LPP: variants seen among roughly 807,000 people sequenced by gnomAD.
LPP encodes LIM domain containing preferred translocation partner in lipoma.
In LPP, 38 loss-of-function variants were observed where a neutral mutation model predicts 60.4. The ratio of observed to expected loss-of-function variants is 0.63; its 90% CI spans 0.49 to 0.83. The LOEUF (loss-of-function observed/expected upper bound fraction) is 0.83, where lower values mean the gene tolerates loss of function less well. Among genes scored for constraint, LPP ranks in the 40% least tolerant of loss-of-function variants. The pLI, the probability that LPP is intolerant of heterozygous loss-of-function variation, is 0.00. For synonymous variants in LPP, 328 were observed against 290.8 expected, an observed-to-expected ratio of 1.13 and a Z score of -1.30; for missense variants, 902 against 783.6, an observed-to-expected ratio of 1.15 and a Z score of -1.80.
chr3:188,253,444 CT>C (rs1730628748), intron 2 of LPP, among the ~76,000 whole-genome samples: 1 of 152,086 alleles, frequency 6.6e-6, no homozygotes, highest in African/African-American at 2.4e-5. Flanking sequence ...TCTAATTTTA[CT>C]TTTTTCCAAA....
At chr3:188,743,012 A>T (rs561256525) in intron 8 of LPP, among the ~76,000 whole-genome samples, 2 of 152,230 alleles carry the variant, frequency 1.3e-5, no homozygotes, top group Admixed American at 6.5e-5. Flanking sequence ...AGAACCTGAA[A>T]CAGTGTGAGT....
At chr3:188,342,383 A>G (rs529326332) in intron 3 of LPP, among the ~76,000 whole-genome samples, 4 of 152,316 alleles carry the variant, frequency 2.6e-5, no homozygotes, top group African/African-American at 9.6e-5. Flanking sequence ...TGCCAAGAAA[A>G]TGGAGGCCAA....
At chr3:188,792,679 T>G (rs1375775413) in intron 9 of LPP, among the ~76,000 whole-genome samples, 2 of 152,154 alleles carry the variant, frequency 1.3e-5, no homozygotes, top group East Asian at 1.9e-4. Flanking sequence ...CAAAAACAAG[T>G]GAGAATACAT....
chr3:188,528,468 G>T (rs1248987481), intron 6 of LPP, among the ~76,000 whole-genome samples: 1 of 151,998 alleles, frequency 6.6e-6, no homozygotes, highest in African/African-American at 2.4e-5. Flanking sequence ...ATTCTTGAAG[G>T]TTGTGTCTAT....
At chr3:188,607,370 GATATATATATATATATATATAT>G (rs10527365) in intron 6 of LPP, among the ~76,000 whole-genome samples, 24 of 102,734 alleles carry the variant, frequency 2.3e-4, no homozygotes, top group Middle Eastern at 4.7e-3. Context: ...GAAAATAGAA[GATATATATATATATATATATAT>G]ATATATATAT....
intron 7 of LPP, among the ~76,000 whole-genome samples, chr3:188,678,709 C>T (rs142267883): frequency 2.2e-4 from 33 of 152,202 alleles, no homozygotes; most frequent in Admixed American, 1.4e-3. Flanking sequence ...ATGGCCCATT[C>T]GCTGTGTTGG....
chr3:188,776,047 C>T (rs759708515), intron 9 of LPP, among the ~76,000 whole-genome samples: 12 of 152,208 alleles, frequency 7.9e-5, no homozygotes, highest in Non-Finnish European at 1.3e-4. Flanking sequence ...GACTGTGCTC[C>T]GTGCTATGCG....
intron 6 of LPP, among the ~76,000 whole-genome samples, chr3:188,574,764 C>T (rs868206727): frequency 6.6e-6 from 1 of 151,932 alleles, no homozygotes; most frequent in South Asian, 2.1e-4. Flanking sequence ...ATGGATTTTA[C>T]AGCTGAAGCT....
intron 9 of LPP, among the ~76,000 whole-genome samples, chr3:188,796,782 T>C (rs143121541): frequency 6.6e-6 from 1 of 152,278 alleles, no homozygotes; most frequent in African/African-American, 2.4e-5. Context: ...ATCTACAACT[T>C]TTTGATAATT....
chr3:188,331,700 A>T (rs1177898298), intron 2 of LPP, among the ~76,000 whole-genome samples: 1 of 152,002 alleles, frequency 6.6e-6, no homozygotes, highest in Admixed American at 6.6e-5. Flanking sequence ...TTTGGTCCTG[A>T]TGTCCAACTC....
At chr3:188,383,585 CA>C (rs923644519) in intron 3 of LPP, among the ~76,000 whole-genome samples, 8 of 152,052 alleles carry the variant, frequency 5.3e-5, no homozygotes, top group African/African-American at 1.9e-4. Context: ...TGTAAATTTT[CA>C]AAAGAATTTC....
intron 7 of LPP, among the ~76,000 whole-genome samples, chr3:188,704,077 A>G (rs1344555946): frequency 6.6e-6 from 1 of 152,142 alleles, no homozygotes; most frequent in Non-Finnish European, 1.5e-5. Context: ...AATATTTTAT[A>G]CTTTTCTAGC....
intron 1 of LPP, among the ~76,000 whole-genome samples, chr3:188,158,888 C>T (rs774198769): frequency 6.6e-6 from 1 of 152,150 alleles, no homozygotes; most frequent in African/African-American, 2.4e-5. Context: ...ATTCGTGGGG[C>T]CCTAGTGGGG....
At position 188,815,093 on chromosome 3, in the gene LPP, G is replaced by A. The variant is rs527763034; in HGVS notation, c.1411-51107G>A. 3.6e-4 allele frequency among the ~76,000 whole-genome samples: 55 copies of A among 152,332 alleles called. 1 individual carries two copies. Among genetic ancestry groups the A allele is most frequent in the African/African-American group, 1.3e-3 (54 of 41,582 alleles). On this transcript the variant is annotated intron_variant, in intron 9 of 11. Coordinates refer to ENST00000617246, the MANE Select transcript of LPP (RefSeq NM_001375462.1). Reference sequence around the variant, plus strand: ...AGTTATGATTATGTTTAGCCAACATGTGTTGGCATCTGACACTAAATAAAT... The same window carrying A: ...AGTTATGATTATGTTTAGCCAACATATGTTGGCATCTGACACTAAATAAAT...
At chr3:188,313,645 A>T (rs952030964) in intron 2 of LPP, among the ~76,000 whole-genome samples, 2 of 151,900 alleles carry the variant, frequency 1.3e-5, no homozygotes, top group Non-Finnish European at 2.9e-5. Context: ...TCAAAAAAAA[A>T]AAAAAATAAA....
chr3:188,809,798 G>A (rs13097225), intron 9 of LPP, among the ~76,000 whole-genome samples: 15,072 of 152,134 alleles, frequency 0.099, 1,005 homozygotes, highest in Non-Finnish European at 0.15. Flanking sequence ...TTCTTCTAGG[G>A]CTTTTATGGT....
intron 2 of LPP, among the ~76,000 whole-genome samples, chr3:188,263,041 A>G (rs1311810078): frequency 6.6e-6 from 1 of 152,028 alleles, no homozygotes; most frequent in East Asian, 1.9e-4. Context: ...CAGTACATGT[A>G]CAATGCTGCC....
intron 5 of LPP, among the ~76,000 whole-genome samples, chr3:188,506,608 G>A (rs904044720): frequency 6.6e-6 from 1 of 152,108 alleles, no homozygotes; most frequent in Non-Finnish European, 1.5e-5. Context: ...GGAAACTGGA[G>A]CCTAAATTTC....
chr3:188,583,837 A>G (rs1836817588), intron 6 of LPP, among the ~76,000 whole-genome samples: 4 of 152,188 alleles, frequency 2.6e-5, no homozygotes, highest in African/African-American at 7.2e-5. Flanking sequence ...CTCCCTAGGA[A>G]CCAGACTGCT....
Sources: allele counts gnomAD v4.1 joint callset (sites outside exome capture counted in the v4.1 genomes callset), GRCh38; gene constraint gnomAD v4.1.1; transcripts MANE v1.5; gene names NCBI Gene and HGNC (gene_info 2026-07-23, HGNC 2026-07-21).